STK32B: variants seen among roughly 807,000 people sequenced by gnomAD.
STK32B encodes the protein serine/threonine-protein kinase 32B.
In STK32B, 43 loss-of-function variants were observed where a neutral mutation model predicts 52.6. The ratio of observed to expected loss-of-function variants is 0.82; its 90% CI spans 0.64 to 1.05. STK32B has a LOEUF of 1.05. Ranked by LOEUF, STK32B falls within the 50% of genes least tolerant of loss-of-function variation. STK32B has a pLI of 0.00. For missense variants in STK32B, 621 were observed against 534.6 expected (o/e 1.16, Z -1.59); for synonymous variants, 238 against 204.3 (o/e 1.17, Z -1.41).
chr4:5,134,777 ATGTT>A (rs1461304733), intron 1 of STK32B, among the ~76,000 whole-genome samples: 3 of 152,204 alleles, frequency 2.0e-5, no homozygotes, highest in Non-Finnish European at 2.9e-5. Flanking sequence ...CAGGAACGGG[ATGTT>A]TGCTTACTTT....
intron 3 of STK32B, among the ~76,000 whole-genome samples, chr4:5,287,444 G>A (rs1212877992): frequency 6.6e-6 from 1 of 151,730 alleles, no homozygotes; most frequent in African/African-American, 2.4e-5. Flanking sequence ...CAAGCCTTTT[G>A]CCCATTTTTT....
intron 4 of STK32B, among the ~76,000 whole-genome samples, chr4:5,361,308 G>T (rs1182288276): frequency 6.6e-6 from 1 of 152,150 alleles, no homozygotes; most frequent in African/African-American, 2.4e-5. Context: ...TTGACACCCT[G>T]CTTTCAGTTC....
chr4:5,451,972 A>G (rs1716043554), intron 7 of STK32B, among the ~76,000 whole-genome samples: 1 of 152,134 alleles, frequency 6.6e-6, no homozygotes, highest in South Asian at 2.1e-4. Flanking sequence ...CCTGCTTGAA[A>G]GCCTGCATCC....
intron 3 of STK32B, among the ~76,000 whole-genome samples, chr4:5,257,556 C>T (rs562628864): frequency 5.7e-4 from 87 of 152,322 alleles, no homozygotes; most frequent in Middle Eastern, 6.8e-3. Flanking sequence ...GCTCCTGCAT[C>T]CTCTGCTCAC....
rs578039942 is a variant in STK32B, at chr4:5,095,495, G to A, written c.52+43580G>A. Among the ~76,000 whole-genome samples the A allele has an allele frequency of 3.9e-5, 6 of 152,208 alleles. No homozygotes were observed. The South Asian group carries it at 1.2e-3, about 32-fold the overall frequency. On this transcript the variant is annotated intron_variant, in intron 1 of 11. Coordinates refer to ENST00000282908, the MANE Select transcript of STK32B (RefSeq NM_018401.3). ...CCAGGCGTGGTGGCACATGCCTGTA[G>A]TCCCAGCTACTTGGGAGGCTGAGGC...
At chr4:5,174,744 TC>T (rs1292199597) in intron 3 of STK32B, among the ~76,000 whole-genome samples, 1 of 150,624 alleles carries the variant, frequency 6.6e-6, no homozygotes, top group African/African-American at 2.4e-5. Context: ...ATTTTTTCCT[TC>T]ATTTCAACTT....
Position 5,348,085 on chromosome 4 carries a change from A to G in STK32B, c.434+16692A>G, listed in dbSNP as rs182736040. ...GGAAGCACCAAAAGCAAGGAAGGAG[A>G]GGGAAGCAGGACAACCCATTTGGCT... On this transcript the variant is annotated intron_variant, in intron 4 of 11. Coordinates refer to ENST00000282908, the MANE Select transcript of STK32B (RefSeq NM_018401.3). 2.6e-3 allele frequency among the ~76,000 whole-genome samples: 392 copies of G among 152,294 alleles called. 1 individual carries two copies. The highest frequency in any genetic ancestry group is 8.8e-3 in the African/African-American group (366 of 41,570).
At chr4:5,438,019 C>G (rs1181552282) in intron 6 of STK32B, 1 of 985,408 alleles carries the variant, frequency 1.0e-6, no homozygotes, top group Non-Finnish European at 1.2e-6. Context: ...AGGACAGGAT[C>G]ACTCTGCTGC....
intron 4 of STK32B, among the ~76,000 whole-genome samples, chr4:5,353,433 A>G (rs1733967263): frequency 6.8e-6 from 1 of 147,474 alleles, no homozygotes; most frequent in East Asian, 1.9e-4. Flanking sequence ...TCTTCACAAC[A>G]AAGGAAGCAA....
chr4:5,130,257 T>C (rs1022932373), intron 1 of STK32B, among the ~76,000 whole-genome samples: 8 of 151,498 alleles, frequency 5.3e-5, no homozygotes, highest in Non-Finnish European at 1.2e-4. Flanking sequence ...GGGCAAAGGC[T>C]CTATGATAGT....
At chr4:5,411,339 C>T (rs528533320) in intron 5 of STK32B, among the ~76,000 whole-genome samples, 1 of 152,300 alleles carries the variant, frequency 6.6e-6, no homozygotes, top group South Asian at 2.1e-4. Context: ...CCGGCCAGGG[C>T]CCCATCTCTT....
chr4:5,169,532 A>T (rs1418381882), intron 3 of STK32B, among the ~76,000 whole-genome samples: 3 of 152,142 alleles, frequency 2.0e-5, no homozygotes, highest in African/African-American at 7.2e-5. Flanking sequence ...AGGAGAACAA[A>T]GAGGAACACA....
chr4:5,471,274 A>G (rs912204456), intron 11 of STK32B, among the ~76,000 whole-genome samples: 9 of 152,150 alleles, frequency 5.9e-5, no homozygotes, highest in Admixed American at 5.9e-4. Context: ...GGGTGGGTGC[A>G]GATGTAATGA....
intron 3 of STK32B, among the ~76,000 whole-genome samples, chr4:5,217,097 C>T (rs540753785): frequency 1.3e-5 from 2 of 152,274 alleles, no homozygotes; most frequent in East Asian, 3.9e-4. Flanking sequence ...GCATGGACTG[C>T]CAATGCTCAG....
intron 1 of STK32B, among the ~76,000 whole-genome samples, chr4:5,054,627 G>A (rs1326410612): frequency 1.3e-5 from 2 of 152,184 alleles, no homozygotes; most frequent in Non-Finnish European, 2.9e-5. Flanking sequence ...CCGTGGTCAG[G>A]TGTTTGGACT....
chr4:5,389,063 G>A (rs569236001), intron 4 of STK32B, among the ~76,000 whole-genome samples: 1 of 152,184 alleles, frequency 6.6e-6, no homozygotes, highest in Non-Finnish European at 1.5e-5. Flanking sequence ...AAAGGACAAA[G>A]CAAGAAGGAA....
intron 1 of STK32B, 135 bp from the exon 2 acceptor site, chr4:5,139,770 G>A: frequency 1.1e-6 from 1 of 890,376 alleles, no homozygotes; most frequent in Non-Finnish European, 1.8e-6. Flanking sequence ...AGGGTGGACG[G>A]CTGCTCTGGC....
chr4:5,024,777 C>T, the STK32B span, among the ~76,000 whole-genome samples: 1 of 152,340 alleles, frequency 6.6e-6, no homozygotes, highest in South Asian at 2.1e-4. Context: ...ACTCTTAATG[C>T]CTCCCAGAAG....
At chr4:5,301,831 G>T (rs575832842) in intron 3 of STK32B, among the ~76,000 whole-genome samples, 91 of 129,290 alleles carry the variant, frequency 7.0e-4, no homozygotes, top group African/African-American at 2.5e-3. Context: ...CTTCGTTTGG[G>T]TTTAGTTTAG....
Sources: allele counts gnomAD v4.1 joint callset (sites outside exome capture counted in the v4.1 genomes callset), GRCh38; gene constraint gnomAD v4.1.1; transcripts MANE v1.5; gene names NCBI Gene and HGNC (gene_info 2026-07-23, HGNC 2026-07-21).